CCDC171: variants seen among roughly 807,000 people sequenced by gnomAD.
CCDC171 encodes coiled-coil domain containing 171.
CCDC171 carries 177 observed loss-of-function variants against 168.2 expected under a neutral mutation model. The observed-to-expected ratio is 1.05, with a 90% confidence interval of 0.93 to 1.19. The LOEUF is 1.19. CCDC171 is among the 50% of genes most tolerant of loss of function. CCDC171 has a pLI of 0.00. For synonymous variants in CCDC171, 687 were observed against 540.8 expected (o/e 1.27, Z -3.75); for missense variants, 1,991 against 1,539.0 (o/e 1.29, Z -4.91).
chr9:16,053,149 G>T (rs556023202), intron 1 of CCDC171, among the ~76,000 whole-genome samples: 10 of 152,256 alleles, frequency 6.6e-5, no homozygotes, highest in East Asian at 3.9e-4. Context: ...AAGAATTTTT[G>T]AGCTAGAAAG....
intron 9 of CCDC171, among the ~76,000 whole-genome samples, chr9:15,673,881 T>C (rs2049312772): frequency 6.6e-6 from 1 of 152,320 alleles, no homozygotes; most frequent in South Asian, 2.1e-4. Flanking sequence ...TTAAGGAGGA[T>C]TCCCTCTTTT....
At chr9:15,842,511 T>C (rs2060722655) in intron 21 of CCDC171, among the ~76,000 whole-genome samples, 2 of 152,198 alleles carry the variant, frequency 1.3e-5, no homozygotes. Flanking sequence ...GTATATCTTA[T>C]GCAGTTTTCA....
chr9:16,099,985 T>C, the CCDC171 span, among the ~76,000 whole-genome samples: 3 of 149,794 alleles, frequency 2.0e-5, no homozygotes, highest in Non-Finnish European at 3.0e-5. Context: ...CAACGCTGTA[T>C]GGAGATAGCT....
intron 21 of CCDC171, among the ~76,000 whole-genome samples, chr9:15,838,539 A>T (rs1017117043): frequency 1.3e-5 from 2 of 152,228 alleles, no homozygotes; most frequent in Admixed American, 6.5e-5. Context: ...CTTTAAAAAA[A>T]TCTTCCACAA....
chr9:15,651,031 C>G (rs1004013235), intron 7 of CCDC171, among the ~76,000 whole-genome samples: 2 of 152,108 alleles, frequency 1.3e-5, no homozygotes, highest in African/African-American at 4.8e-5. Context: ...CCTTTCCAGC[C>G]TCTGATAACT....
upstream of CCDC171, among the ~76,000 whole-genome samples, chr9:16,038,506 T>C (rs938200941): frequency 4.6e-4 from 70 of 152,278 alleles, no homozygotes; most frequent in African/African-American, 1.6e-3. Context: ...CAAGTATGTG[T>C]GTTAAAAATG....
At chr9:15,957,070 A>G (rs1829872105) in intron 25 of CCDC171, among the ~76,000 whole-genome samples, 1 of 149,372 alleles carries the variant, frequency 6.7e-6, no homozygotes. Flanking sequence ...TCACTATAAT[A>G]TTTCCTAGAT....
At chr9:16,015,581 A>G (rs112424695) in intron 3 of CCDC171, among the ~76,000 whole-genome samples, 1 of 152,062 alleles carries the variant, frequency 6.6e-6, no homozygotes, top group African/African-American at 2.4e-5. Flanking sequence ...CTTCCTCCTC[A>G]CTGTACACTG....
intron 21 of CCDC171, among the ~76,000 whole-genome samples, chr9:15,800,263 G>T (rs1408995257): frequency 1.3e-5 from 2 of 151,640 alleles, no homozygotes; most frequent in Non-Finnish European, 3.0e-5. Flanking sequence ...TTTCTCCCTT[G>T]TGCATCCATT....
chr9:15,602,200 T>C (rs1431067129), intron 6 of CCDC171, among the ~76,000 whole-genome samples: 1 of 152,152 alleles, frequency 6.6e-6, no homozygotes, highest in Non-Finnish European at 1.5e-5. Context: ...TATACATCAA[T>C]CTTAAGAAAC....
At chr9:15,836,895 C>G (rs979039895) in intron 21 of CCDC171, among the ~76,000 whole-genome samples, 2 of 152,120 alleles carry the variant, frequency 1.3e-5, no homozygotes, top group Non-Finnish European at 2.9e-5. Flanking sequence ...AATAGTTTGA[C>G]CAATAATAAA....
At chr9:15,610,466 A>C (rs1302461986) in intron 6 of CCDC171, among the ~76,000 whole-genome samples, 4 of 140,794 alleles carry the variant, frequency 2.8e-5, no homozygotes, top group Admixed American at 7.2e-5. Context: ...AAAAAAAAAA[A>C]AAAAAAAAAA....
intron 21 of CCDC171, among the ~76,000 whole-genome samples, chr9:15,793,870 C>G (rs567127332): frequency 2.0e-5 from 3 of 152,126 alleles, no homozygotes; most frequent in South Asian, 2.1e-4. Context: ...TTGCTGAACT[C>G]TCTTGTCATT....
chr9:16,004,320 A>G (rs1832638762), intron 3 of CCDC171, among the ~76,000 whole-genome samples: 1 of 152,232 alleles, frequency 6.6e-6, no homozygotes, highest in African/African-American at 2.4e-5. Flanking sequence ...CAGCACCAGA[A>G]GTGAAAAATA....
chr9:15,854,171 A>C (rs1209440611), intron 23 of CCDC171, among the ~76,000 whole-genome samples: 1 of 150,794 alleles, frequency 6.6e-6, no homozygotes, highest in Non-Finnish European at 1.5e-5. Context: ...AATTTGAGAG[A>C]GATTAGTGTT....
intron 21 of CCDC171, among the ~76,000 whole-genome samples, chr9:15,806,652 A>C (rs1412223531): frequency 6.6e-6 from 1 of 151,970 alleles, no homozygotes; most frequent in African/African-American, 2.4e-5. Context: ...AGCTAACTTT[A>C]ACATTCTTTT....
At chr9:15,993,082 T>C (rs530575367) in intron 3 of CCDC171, among the ~76,000 whole-genome samples, 1 of 152,230 alleles carries the variant, frequency 6.6e-6, no homozygotes, top group South Asian at 2.1e-4. Context: ...TTCACAGAAT[T>C]GGAAAAAACT....
intron 21 of CCDC171, among the ~76,000 whole-genome samples, chr9:15,838,618 A>C (rs2136336998): frequency 6.6e-6 from 1 of 152,318 alleles, no homozygotes; most frequent in African/African-American, 2.4e-5. Context: ...CACTAATTCA[A>C]GCATCCTCTT....
intron 1 of CCDC171, among the ~76,000 whole-genome samples, chr9:16,046,736 T>C (rs1833668375): frequency 6.6e-6 from 1 of 152,212 alleles, no homozygotes; most frequent in Admixed American, 6.5e-5. Flanking sequence ...CTTGCTTGTG[T>C]GCCGCCATGT....
Sources: gnomAD v4.1 joint callset for allele counts (sites outside exome capture counted in the v4.1 genomes callset) on GRCh38, gnomAD v4.1.1 for gene constraint, MANE v1.5 for transcripts, NCBI Gene and HGNC (gene_info 2026-07-23, HGNC 2026-07-21) for gene names.